The following DOCK7 variants were observed in gnomAD, a reference collection of about 807,000 sequenced individuals.
DOCK7 encodes the protein dedicator of cytokinesis protein 7.
In DOCK7, 138 loss-of-function variants were observed where a neutral mutation model predicts 271.0. The ratio of observed to expected loss-of-function variants is 0.51; its 90% confidence interval spans 0.44 to 0.59. DOCK7 has a LOEUF of 0.59. Ranked by LOEUF, DOCK7 falls within the 20% of genes least tolerant of loss-of-function variation. The pLI is 0.00. For missense variants in DOCK7, 2,066 were observed against 2,592.4 expected, an observed-to-expected ratio of 0.80 and a Z score of 4.41; for synonymous variants, 823 against 876.1, an observed-to-expected ratio of 0.94 and a Z score of 1.07.
chr1:62,640,484 T>C (rs1655878884), intron 7 of DOCK7, among the ~76,000 whole-genome samples: 1 of 146,550 alleles, frequency 6.8e-6, no homozygotes, highest in Non-Finnish European at 1.5e-5. Context: ...ATTCTGCCAT[T>C]GCACTCCAGC....
intron 17 of DOCK7, among the ~76,000 whole-genome samples, chr1:62,578,210 T>G (rs1208451310): frequency 2.0e-5 from 3 of 152,236 alleles, no homozygotes; most frequent in Non-Finnish European, 2.9e-5. Context: ...ATAAAATCAT[T>G]ATCTGCTGAA....
chr1:62,595,469 A>G (rs922583527), intron 14 of DOCK7, among the ~76,000 whole-genome samples: 1 of 152,232 alleles, frequency 6.6e-6, no homozygotes, highest in African/African-American at 2.4e-5. Context: ...ACAAAGCTGA[A>G]GAATATGAAA....
chr1:62,564,727 C>A (rs1156694397), intron 18 of DOCK7, among the ~76,000 whole-genome samples: 1 of 152,008 alleles, frequency 6.6e-6, no homozygotes, highest in Non-Finnish European at 1.5e-5. Flanking sequence ...GAGATAGAGT[C>A]ATGAAAAACC....
At chr1:62,611,539 G>A (rs753465978) in intron 14 of DOCK7, among the ~76,000 whole-genome samples, 82 of 152,056 alleles carry the variant, frequency 5.4e-4, no homozygotes, top group Non-Finnish European at 1.0e-3. Flanking sequence ...TTTCAAAAAA[G>A]GGTATCACAG....
chr1:62,461,498 T>C (rs976213093), intron 48 of DOCK7, among the ~76,000 whole-genome samples: 23 of 151,102 alleles, frequency 1.5e-4, no homozygotes, highest in Non-Finnish European at 3.2e-4. Context: ...CTGGGCAACA[T>C]AGTGAGACTC....
chr1:62,616,008 A>G (rs1652390624), intron 14 of DOCK7, among the ~76,000 whole-genome samples: 2 of 151,804 alleles, frequency 1.3e-5, no homozygotes, highest in Admixed American at 1.3e-4. Context: ...AAAAACCAAA[A>G]GCAAACCCAA....
intron 11 of DOCK7, among the ~76,000 whole-genome samples, chr1:62,627,116 A>G (rs1427263698): frequency 1.3e-5 from 2 of 152,182 alleles, no homozygotes; most frequent in Non-Finnish European, 2.9e-5. Flanking sequence ...ATGCAACACC[A>G]CATTAAAAGG....
chr1:62,556,907 G>T (rs1289912136), intron 20 of DOCK7, among the ~76,000 whole-genome samples: 4 of 152,068 alleles, frequency 2.6e-5, no homozygotes, highest in Non-Finnish European at 4.4e-5. Flanking sequence ...TGTGTTTCTG[G>T]TTAATCCTTT....
chr1:62,494,259 T>C lies in DOCK7; in HGVS notation c.5217+16A>G, dbSNP rs1191210847. The stretch of plus-strand genomic sequence containing the variant: ...AAGATATACCTTGATTTAATGTACA[T>C]CTGGAAGATTCCTACCTGAAATGTT... On this transcript the variant is annotated intron_variant, in intron 40 of 49. Transcript: ENST00000635253. 1 of 1,562,770 alleles carries C rather than the reference T, an allele frequency of 6.4e-7. No homozygotes were observed. The highest frequency in any genetic ancestry group is 8.7e-7 in the Non-Finnish European group (1 of 1,143,908).
At chr1:62,622,125 A>C (rs1367119634) in intron 12 of DOCK7, among the ~76,000 whole-genome samples, 3 of 152,202 alleles carry the variant, frequency 2.0e-5, no homozygotes, top group African/African-American at 7.2e-5. Flanking sequence ...CAGAGCTATG[A>C]GCACATGACC....
chr1:62,642,627 C>T (rs1656173662), intron 7 of DOCK7, among the ~76,000 whole-genome samples: 1 of 152,130 alleles, frequency 6.6e-6, no homozygotes, highest in African/African-American at 2.4e-5. Context: ...CCCTAATCAA[C>T]CCCCAATTTA....
At chr1:62,597,188 A>G (rs528161173) in intron 14 of DOCK7, among the ~76,000 whole-genome samples, 64 of 152,286 alleles carry the variant, frequency 4.2e-4, no homozygotes, top group Non-Finnish European at 6.2e-4. Context: ...CCTCAACTTT[A>G]ATAATAAATT....
At chr1:62,483,917 ACTTG>A (rs1646215788) in intron 43 of DOCK7, 1 of 151,968 alleles carries the variant, frequency 6.6e-6, no homozygotes, top group South Asian at 2.1e-4. Context: ...ACATTTACCC[ACTTG>A]ACTACCCAAA....
rs182529926 is a variant in DOCK7, at chr1:62,587,737, T to C, written c.1683-1113A>G. On this transcript the variant is annotated intron_variant, in intron 14 of 49. Transcript: ENST00000635253. ...GATACCTAGCATGTTGAATGGGATA[T>C]ACAGTGAGGAAGAAGCAGGTTCCAG... Among the ~76,000 whole-genome samples, 185 of 152,180 alleles carry C rather than the reference T, an allele frequency of 1.2e-3. 1 individual carries two copies. Among genetic ancestry groups the C allele is most frequent in the African/African-American group, 3.7e-3 (154 of 41,534 alleles).
intron 1 of DOCK7, among the ~76,000 whole-genome samples, chr1:62,667,702 G>C (rs568762563): frequency 1.3e-5 from 2 of 152,238 alleles, no homozygotes; most frequent in Admixed American, 1.3e-4. Flanking sequence ...AGGTGACACA[G>C]AGAGACTCCA....
At chr1:62,600,031 CATA>C (rs1557780139) in intron 14 of DOCK7, among the ~76,000 whole-genome samples, 1 of 151,850 alleles carries the variant, frequency 6.6e-6, no homozygotes, top group Non-Finnish European at 1.5e-5. Flanking sequence ...ACTAAACAAA[CATA>C]ATGTTAGTAG....
chr1:62,527,962 C>T (rs915992726), intron 31 of DOCK7, among the ~76,000 whole-genome samples, 189 bp downstream of exon 31: 1 of 151,192 alleles, frequency 6.6e-6, no homozygotes, highest in Non-Finnish European at 1.5e-5. Context: ...TTCCCATAAA[C>T]CTTGAGGTAA....
rs1650745516 is a variant in DOCK7 at position 62,604,893 on chromosome 1, T to G, written c.1682+13813A>C. ...TTAATGTGGTCTAATAATCTGGTAT[T>G]AAATCCTTAAGAGAAAGCTTGAGAA... is the stretch of plus-strand genomic sequence containing the variant. On this transcript the variant is annotated intron_variant, in intron 14 of 49. Coordinates refer to ENST00000635253, the MANE Select transcript of DOCK7 (RefSeq NM_001367561.1). 6.1e-6 allele frequency: 9 copies of G among 1,464,264 alleles called. No homozygotes were observed. In the Admixed American group the frequency reaches 1.2e-4, roughly 20 times the overall value. 90.7% of individuals were successfully genotyped at this position (1,464,264 alleles called of 1,614,324 possible).
chr1:62,682,847 G>A (rs980621523), intron 1 of DOCK7, among the ~76,000 whole-genome samples: 3 of 152,196 alleles, frequency 2.0e-5, no homozygotes, highest in African/African-American at 4.8e-5. Flanking sequence ...TCCACAAAAA[G>A]GGAGTAGATT....
Sources: allele counts gnomAD v4.1 joint callset (sites outside exome capture counted in the v4.1 genomes callset), GRCh38; gene constraint gnomAD v4.1.1; transcripts MANE v1.5; gene names NCBI Gene and HGNC (gene_info 2026-07-23, HGNC 2026-07-21).